STK32C: variants seen among roughly 807,000 people sequenced by gnomAD.
STK32C encodes the protein serine/threonine-protein kinase 32C.
In STK32C, 31 loss-of-function variants were observed where a neutral mutation model predicts 56.5. The ratio of observed to expected loss-of-function variants is 0.55; its 90% CI spans 0.41 to 0.74. The LOEUF (loss-of-function observed/expected upper bound fraction) is 0.74, where lower values mean the gene tolerates loss of function less well. STK32C is among the 30% of genes least tolerant of loss of function. The probability of loss-of-function intolerance (pLI) is 0.00; values close to 1 mark genes in which losing one functional copy is unlikely to be tolerated. For missense variants in STK32C, 544 were observed against 676.9 expected, an observed-to-expected ratio of 0.80 and a Z score of 2.18; for synonymous variants, 309 against 289.4, an observed-to-expected ratio of 1.07 and a Z score of -0.69.
At chr10:132,278,484 G>T (rs988595590) in intron 1 of STK32C, among the ~76,000 whole-genome samples, 1 of 152,138 alleles carries the variant, frequency 6.6e-6, no homozygotes, top group Non-Finnish European at 1.5e-5. Flanking sequence ...AATACCGGCC[G>T]GGCGCGGTGG....
intron 1 of STK32C, among the ~76,000 whole-genome samples, chr10:132,324,905 A>AGGAGATG (rs1180425798): frequency 1.3e-5 from 2 of 152,364 alleles, no homozygotes; most frequent in East Asian, 1.9e-4. Flanking sequence ...GAGTGACCTT[A>AGGAGATG]CAGGTCATAG....
chr10:132,251,778 ACAGGCAGG>A (rs2063917916), intron 1 of STK32C, among the ~76,000 whole-genome samples: 1 of 146,432 alleles, frequency 6.8e-6, no homozygotes, highest in African/African-American at 2.5e-5. Context: ...ACTACCCACC[ACAGGCAGG>A]TCAATGCCCT....
At chr10:132,302,621 G>C (rs1311936091) in intron 1 of STK32C, among the ~76,000 whole-genome samples, 1 of 152,194 alleles carries the variant, frequency 6.6e-6, no homozygotes, top group Non-Finnish European at 1.5e-5. Flanking sequence ...TGGGGGATGG[G>C]TGTCTGGGCC....
At chr10:132,331,885 C>T, upstream of STK32C, 1 of 1,048,624 alleles carries the variant, frequency 9.5e-7, no homozygotes, top group Non-Finnish European at 1.3e-6. Context: ...AGGCGCACCA[C>T]CCCCTGCCAC....
intron 1 of STK32C, among the ~76,000 whole-genome samples, chr10:132,274,027 T>G (rs777681684): frequency 2.6e-5 from 4 of 152,156 alleles, no homozygotes; most frequent in Non-Finnish European, 4.4e-5. Flanking sequence ...CCGCAAGTTG[T>G]GGGAGGTGCA....
downstream of STK32C, among the ~76,000 whole-genome samples, chr10:132,322,809 T>G (rs1482860594): frequency 2.0e-5 from 3 of 152,150 alleles, no homozygotes; most frequent in Non-Finnish European, 4.4e-5. Flanking sequence ...TGTCCTGGGG[T>G]GGAGGTCGTG....
In STK32C at chr10:132,264,584, C is replaced by G. The variant is rs552579848; in HGVS notation, c.263-18629G>C. On this transcript the variant is annotated intron_variant, in intron 1 of 11. Coordinates refer to ENST00000298630, the MANE Select transcript of STK32C (RefSeq NM_173575.4). ...GACCCGGGCCAGGACCCCTCCAGGACCCTCTCCCACCAGGGAGCTGAGGGG... is the reference window on the plus strand; with the variant it reads ...GACCCGGGCCAGGACCCCTCCAGGAGCCTCTCCCACCAGGGAGCTGAGGGG... 5.3e-5 allele frequency among the ~76,000 whole-genome samples: 8 copies of G among 152,312 alleles called. No individual in the cohort carries two copies. In the East Asian group the frequency reaches 1.5e-3, roughly 29 times the overall value.
At chr10:132,228,278 G>A (rs756614660) in intron 2 of STK32C, 150 bp from the exon 3 acceptor site, 9 of 876,114 alleles carry the variant, frequency 1.0e-5, no homozygotes, top group Admixed American at 1.9e-5. Context: ...CCTCCTAGAC[G>A]CGGCAGGTGC....
At chr10:132,208,804 C>G (rs181176225) in intron 11 of STK32C, among the ~76,000 whole-genome samples, 1 of 152,210 alleles carries the variant, frequency 6.6e-6, no homozygotes, top group East Asian at 1.9e-4. Flanking sequence ...AATGATGTGT[C>G]TCTCCCCAGA....
intron 2 of STK32C, among the ~76,000 whole-genome samples, chr10:132,232,498 CTG>C (rs2063138917): frequency 6.6e-6 from 1 of 152,254 alleles, no homozygotes; most frequent in East Asian, 1.9e-4. Context: ...ACAAAAAAGA[CTG>C]GAAACCGGCG....
At chr10:132,285,420 G>T (rs986156081) in intron 1 of STK32C, among the ~76,000 whole-genome samples, 1 of 152,222 alleles carries the variant, frequency 6.6e-6, no homozygotes, top group Non-Finnish European at 1.5e-5. Context: ...GATATTTTCA[G>T]ACTGTATTTT....
At chr10:132,278,086 C>T (rs938618444) in intron 1 of STK32C, among the ~76,000 whole-genome samples, 2 of 152,118 alleles carry the variant, frequency 1.3e-5, no homozygotes, top group African/African-American at 4.8e-5. Flanking sequence ...CCATGAAGAC[C>T]CCCTGGGAAC....
At chr10:132,246,478 C>G (rs1344946434) in intron 1 of STK32C, among the ~76,000 whole-genome samples, 1 of 152,222 alleles carries the variant, frequency 6.6e-6, no homozygotes, top group African/African-American at 2.4e-5. Context: ...GCAAACGGCC[C>G]CAAGATGAAC....
chr10:132,241,599 T>C (rs1162108164), intron 2 of STK32C, among the ~76,000 whole-genome samples: 2 of 152,212 alleles, frequency 1.3e-5, no homozygotes, highest in Non-Finnish European at 2.9e-5. Context: ...ACTTTCGACC[T>C]TGACAAGACG....
intron 1 of STK32C, 62 bp from the exon 2 acceptor site, chr10:132,246,017 TC>T: frequency 6.6e-7 from 1 of 1,510,854 alleles, no homozygotes; most frequent in Non-Finnish European, 9.2e-7. Context: ...CCAGAGCAGC[TC>T]CCCCACCTCA....
intron 2 of STK32C, among the ~76,000 whole-genome samples, chr10:132,236,492 A>C (rs1015572326): frequency 3.3e-5 from 5 of 152,236 alleles, no homozygotes; most frequent in African/African-American, 4.8e-5. Context: ...GTGTGGGCCC[A>C]GCGCAGTGGC....
chr10:132,329,243 G>A (rs1378398752), intron 1 of STK32C, among the ~76,000 whole-genome samples: 1 of 152,118 alleles, frequency 6.6e-6, no homozygotes, highest in Non-Finnish European at 1.5e-5. Context: ...GGTAAAACCC[G>A]TCTCTACAAA....
At chr10:132,293,399 A>G (rs547592388) in intron 1 of STK32C, among the ~76,000 whole-genome samples, 1 of 152,148 alleles carries the variant, frequency 6.6e-6, no homozygotes, top group Admixed American at 6.5e-5. Flanking sequence ...TCCTTCTCCC[A>G]CTCCAGCCCC....
At chr10:132,304,064 G>A (rs950090866) in intron 1 of STK32C, among the ~76,000 whole-genome samples, 2 of 152,210 alleles carry the variant, frequency 1.3e-5, no homozygotes, top group African/African-American at 4.8e-5. Flanking sequence ...GGACCCCTTT[G>A]CCTGAGCAAT....
Sources: gnomAD v4.1 joint callset for allele counts (sites outside exome capture counted in the v4.1 genomes callset) on GRCh38, gnomAD v4.1.1 for gene constraint, MANE v1.5 for transcripts, NCBI Gene and HGNC (gene_info 2026-07-23, HGNC 2026-07-21) for gene names.